Variants in ALG14 observed in about 807,000 individuals in gnomAD.
ALG14 encodes ALG14 UDP-N-acetylglucosaminyltransferase subunit.
Under a neutral mutation model 22.8 loss-of-function variants are expected in ALG14, and 17 were observed. The observed-to-expected ratio is 0.75, with a 90% CI of 0.51 to 1.12. The LOEUF (loss-of-function observed/expected upper bound fraction) is 1.12, where lower values mean the gene tolerates loss of function less well. ALG14 is among the 50% of genes most tolerant of loss of function. ALG14 has a pLI of 0.00. For missense variants in ALG14, 288 were observed against 271.8 expected (o/e 1.06, Z -0.42); for synonymous variants, 89 against 103.7 (o/e 0.86, Z 0.86).
intron 3 of ALG14, among the ~76,000 whole-genome samples, chr1:95,026,002 G>A (rs1055148241): frequency 4.0e-5 from 6 of 151,764 alleles, no homozygotes; most frequent in Admixed American, 2.0e-4. Flanking sequence ...GTGCGATCTC[G>A]GCTCACTGCA....
intron 1 of ALG14, among the ~76,000 whole-genome samples, chr1:95,066,502 C>T (rs905633440): frequency 6.6e-6 from 1 of 151,916 alleles, no homozygotes; most frequent in Non-Finnish European, 1.5e-5. Flanking sequence ...GGATTACAGG[C>T]GTGAGCCACC....
Position 95,022,756 on chromosome 1 carries a change from T to C in ALG14, c.420+4373A>G, listed in dbSNP as rs113530865. 4.1e-3 allele frequency among the ~76,000 whole-genome samples: 632 copies of C among 152,310 alleles called. 4 individuals carry two copies. The highest frequency in any genetic ancestry group is 0.014 in the African/African-American group (589 of 41,574). Reference sequence around the variant, plus strand: ...AAAACCTTACTCTCACTTAATTCCATTGACAGATAAACATCTTGGGACAGC... The same window carrying C: ...AAAACCTTACTCTCACTTAATTCCACTGACAGATAAACATCTTGGGACAGC... On this transcript the variant is annotated intron_variant, in intron 3 of 3. Transcript: ENST00000370205.
At chr1:94,992,184 GTAT>G (rs1463966425) in intron 3 of ALG14, among the ~76,000 whole-genome samples, 1 of 152,016 alleles carries the variant, frequency 6.6e-6, no homozygotes, top group African/African-American at 2.4e-5. Context: ...TTATTATCAA[GTAT>G]TATGCACTGT....
chr1:95,028,397 C>T (rs1474555593), intron 2 of ALG14, among the ~76,000 whole-genome samples: 2 of 152,170 alleles, frequency 1.3e-5, no homozygotes, highest in Admixed American at 6.5e-5. Flanking sequence ...CAGGTTCTCG[C>T]CATGTTGCCC....
intron 2 of ALG14, chr1:95,062,027 C>A (rs1027803974): frequency 6.6e-6 from 1 of 151,572 alleles, no homozygotes; most frequent in Admixed American, 6.6e-5. Flanking sequence ...ATGAAGTGAG[C>A]AACCAGGGGT....
chr1:95,016,942 GGTGTGTGTGTGTGTGTGT>G (rs55962309), intron 3 of ALG14, among the ~76,000 whole-genome samples: 61 of 129,362 alleles, frequency 4.7e-4, no homozygotes, highest in Admixed American at 1.8e-3. Flanking sequence ...TTGCAAAAGG[GGTGTGTGTGTGTGTGTGT>G]GTGTGTGTGT....
intron 2 of ALG14, among the ~76,000 whole-genome samples, chr1:95,042,152 T>A (rs1477502676): frequency 6.6e-6 from 1 of 152,040 alleles, no homozygotes; most frequent in Non-Finnish European, 1.5e-5. Flanking sequence ...CTTTAGAAAA[T>A]ACAGAAAAAT....
intron 3 of ALG14, among the ~76,000 whole-genome samples, chr1:95,017,368 T>A (rs969114277): frequency 6.6e-6 from 1 of 150,556 alleles, no homozygotes; most frequent in Admixed American, 6.6e-5. Flanking sequence ...GAAAAAAAAA[T>A]GGCAAAACTG....
Position 95,072,798 on chromosome 1 carries a change from C to CG in ALG14, c.100dup (p.Arg34ProfsTer18), listed in dbSNP as rs1064794986. The CG allele has an allele frequency of 1.2e-6, 2 of 1,614,044 alleles. No individual in the cohort carries two copies. The highest frequency in any genetic ancestry group is 1.7e-6 in the Non-Finnish European group (2 of 1,180,046). Reference sequence around the variant, plus strand: ...CACTACCAAGATACTGAGAGACTCCCGGGGCGTAACGTCCATGGAACGAAG... The same window carrying CG: ...CACTACCAAGATACTGAGAGACTCCCGGGGGCGTAACGTCCATGGAACGAAG... On this transcript the variant is annotated frameshift_variant, in exon 1 of 4. Transcript: ENST00000370205. LOFTEE classifies it high-confidence loss of function.
chr1:94,991,045 T>C (rs141968503), intron 3 of ALG14, among the ~76,000 whole-genome samples: 1 of 152,396 alleles, frequency 6.6e-6, no homozygotes, highest in East Asian at 1.9e-4. Context: ...CCTGGTTGGC[T>C]GCTTAACAGC....
intron 2 of ALG14, among the ~76,000 whole-genome samples, chr1:95,033,796 T>C (rs1417650552): frequency 6.6e-6 from 1 of 152,182 alleles, no homozygotes; most frequent in African/African-American, 2.4e-5. Flanking sequence ...TCTCTCACCT[T>C]GACTACTTCA....
chr1:95,063,921 T>C (rs1675257693), intron 2 of ALG14, among the ~76,000 whole-genome samples: 1 of 152,234 alleles, frequency 6.6e-6, no homozygotes. Context: ...GAGCATGGAA[T>C]GTATTTCCAT....
intron 2 of ALG14, among the ~76,000 whole-genome samples, chr1:95,059,469 T>G (rs1000099343): frequency 6.6e-6 from 1 of 151,130 alleles, no homozygotes; most frequent in African/African-American, 2.4e-5. Flanking sequence ...TCAATGATAA[T>G]ATGAAATTTA....
At chr1:95,042,562 G>A (rs1674414647) in intron 2 of ALG14, among the ~76,000 whole-genome samples, 1 of 152,182 alleles carries the variant, frequency 6.6e-6, no homozygotes, top group South Asian at 2.1e-4. Flanking sequence ...CAGATCCCTG[G>A]AACTGAGTCT....
chr1:95,013,689 A>G (rs1673430529), intron 3 of ALG14, among the ~76,000 whole-genome samples: 1 of 152,200 alleles, frequency 6.6e-6, no homozygotes, highest in African/African-American at 2.4e-5. Context: ...GCCAACAACT[A>G]AAACAAACAA....
chr1:95,039,503 A>AC (rs1488579772), intron 2 of ALG14, among the ~76,000 whole-genome samples: 1 of 152,084 alleles, frequency 6.6e-6, no homozygotes, highest in Non-Finnish European at 1.5e-5. Context: ...TCAGGTTTTT[A>AC]CCTAGGGTGA....
intron 3 of ALG14, among the ~76,000 whole-genome samples, chr1:94,993,168 T>G (rs1367880683): frequency 2.7e-5 from 4 of 149,030 alleles, no homozygotes; most frequent in Admixed American, 6.9e-5. Context: ...GTCTTATATA[T>G]CACTTGGAGT....
Position 95,006,083 on chromosome 1 carries a change from T to C in ALG14, c.420+21046A>G, listed in dbSNP as rs578242033. On this transcript the variant is annotated intron_variant, in intron 3 of 3. Transcript: ENST00000370205. ...AAAAGCTGTTCACCATTTTAAAAAATTACATCATGGGCAACAAAGCTGCTC... is the reference window on the plus strand; with the variant it reads ...AAAAGCTGTTCACCATTTTAAAAAACTACATCATGGGCAACAAAGCTGCTC... Among the ~76,000 whole-genome samples, 4 of 152,272 alleles carry C rather than the reference T, an allele frequency of 2.6e-5. No homozygotes were observed. The South Asian group carries it at 6.2e-4, about 24-fold the overall frequency.
intron 1 of ALG14, 121 bp downstream of exon 1, chr1:95,072,642 C>T: frequency 7.1e-7 from 1 of 1,402,236 alleles, no homozygotes; most frequent in Non-Finnish European, 9.7e-7. Context: ...GGCAGAGAAA[C>T]TACAAATCTC....
Sources: allele counts gnomAD v4.1 joint callset (sites outside exome capture counted in the v4.1 genomes callset), GRCh38; gene constraint gnomAD v4.1.1; transcripts MANE v1.5; gene names NCBI Gene and HGNC (gene_info 2026-07-23, HGNC 2026-07-21).